SH3KBP1: variants seen among roughly 807,000 people sequenced by gnomAD.
The protein encoded by SH3KBP1 is SH3 domain containing kinase binding protein 1.
Under a neutral mutation model 50.1 loss-of-function variants are expected in SH3KBP1, and 8 were observed. The observed-to-expected ratio is 0.16, with a 90% CI of 0.09 to 0.29. The LOEUF is 0.29. SH3KBP1 is among the 10% of genes least tolerant of loss of function. SH3KBP1 has a pLI of 1.00. For synonymous variants in SH3KBP1, 227 were observed against 218.6 expected (o/e 1.04, Z -0.34); for missense variants, 377 against 535.2 (o/e 0.70, Z 2.92).
At chrX:19,804,885 C>G (rs1476912774) in intron 2 of SH3KBP1, among the ~76,000 whole-genome samples, 1 of 64,722 alleles carries the variant, frequency 1.5e-5, no homozygotes, top group East Asian at 5.7e-4. Context: ...AAACCCTACC[C>G]CCCCCCCCCC....
At chrX:19,597,033 C>G (rs2066925192) in intron 9 of SH3KBP1, among the ~76,000 whole-genome samples, 1 of 111,486 alleles carries the variant, frequency 9.0e-6, no homozygotes, top group African/African-American at 3.3e-5. Context: ...AATGGTGAGC[C>G]CTTTCCAGAA....
chrX:19,819,285 C>G (rs1341269070), intron 2 of SH3KBP1, among the ~76,000 whole-genome samples: 2 of 111,422 alleles, frequency 1.8e-5, no homozygotes, highest in African/African-American at 6.5e-5. Flanking sequence ...TAATTTGTGT[C>G]TTTTTCATCT....
At chrX:19,760,041 C>CCTCTCCCTCTCTCTCTCTCTCTCTCT (rs1556346157) in intron 2 of SH3KBP1, among the ~76,000 whole-genome samples, 1 of 50,453 alleles carries the variant, frequency 2.0e-5, no homozygotes, top group East Asian at 5.3e-4. Context: ...TCTCTCTCTC[C>CCTCTCCCTCTCTCTCTCTCTCTCTCT]CTCTCTCTCT....
chrX:19,646,843 G>A (rs2062002894), intron 6 of SH3KBP1, among the ~76,000 whole-genome samples: 1 of 111,227 alleles, frequency 9.0e-6, no homozygotes. Context: ...AGTGCCGCAG[G>A]GCCTTCTGTA....
In SH3KBP1 at chrX:19,836,248, C is replaced by T. The variant is rs1364297998; in HGVS notation, c.39G>A (p.Gln13=). ...CGCTGATCGTCAGCTCATCATCGTG[C>T]TGGGCCTGGTAGTCAAACTCCACTA... ...EAIVEFDYQA[Q]HDDELTISVG... is the part of the protein sequence containing the mutation. Residue 13 remains glutamine (Q), a synonymous_variant, in exon 2 of 18, where the codon CAG becomes CAA. Coordinates refer to ENST00000397821, the MANE Select transcript of SH3KBP1 (RefSeq NM_031892.3). The T allele has an allele frequency of 2.5e-6, 3 of 1,208,618 alleles. No homozygotes were observed. The highest frequency in any genetic ancestry group is 3.4e-6 in the Non-Finnish European group (3 of 894,418).
intron 2 of SH3KBP1, among the ~76,000 whole-genome samples, chrX:19,769,666 T>C (rs1227737645): frequency 9.0e-6 from 1 of 111,306 alleles, no homozygotes; most frequent in African/African-American, 3.3e-5. Flanking sequence ...GTTTGAGTAC[T>C]GGAGCAGTAA....
At chrX:19,612,636 TA>T (rs1421739655) in intron 8 of SH3KBP1, among the ~76,000 whole-genome samples, 3 of 110,212 alleles carry the variant, frequency 2.7e-5, no homozygotes, top group East Asian at 2.8e-4. Context: ...CTGGGAATTT[TA>T]AAAAAAAATG....
chrX:19,683,350 A>T (rs1304102700), intron 6 of SH3KBP1: 1 of 370,375 alleles, frequency 2.7e-6, no homozygotes, highest in Non-Finnish European at 5.3e-6. Flanking sequence ...TCCTTTCAAC[A>T]GTCTGAAATT....
At chrX:19,873,307 TATATAC>T (rs1569493077) in intron 1 of SH3KBP1, among the ~76,000 whole-genome samples, 143 of 97,601 alleles carry the variant, frequency 1.5e-3, no homozygotes, top group African/African-American at 5.6e-3. Context: ...TATATATATA[TATATAC>T]ATATACATAT....
chrX:19,671,815 T>C (rs749045098), intron 6 of SH3KBP1, among the ~76,000 whole-genome samples: 1 of 112,233 alleles, frequency 8.9e-6, no homozygotes, highest in Non-Finnish European at 1.9e-5. Flanking sequence ...ACAGTAAATA[T>C]CATATTAGCC....
chrX:19,782,793 G>C (rs985009577), intron 2 of SH3KBP1, among the ~76,000 whole-genome samples: 1 of 111,542 alleles, frequency 9.0e-6, no homozygotes, highest in Non-Finnish European at 1.9e-5. Context: ...CCCCAAAACA[G>C]TTGCTGATGC....
At chrX:19,796,440 T>G (rs185027104) in intron 2 of SH3KBP1, among the ~76,000 whole-genome samples, 212 of 112,070 alleles carry the variant, frequency 1.9e-3, no homozygotes, top group African/African-American at 6.6e-3. Context: ...CTACCCCCAC[T>G]GCCATTTAGG....
At chrX:19,621,012 GT>G (rs57010197) in intron 8 of SH3KBP1, among the ~76,000 whole-genome samples, 70 of 68,692 alleles carry the variant, frequency 1.0e-3, no homozygotes, top group Middle Eastern at 9.3e-3. Context: ...GTTCAGGTTG[GT>G]TTTTTTTTTT....
intron 3 of SH3KBP1, among the ~76,000 whole-genome samples, chrX:19,727,544 T>C (rs1359848531): frequency 8.9e-6 from 1 of 112,895 alleles, no homozygotes; most frequent in Non-Finnish European, 1.9e-5. Flanking sequence ...TCATCCTCAA[T>C]GAACACTTGG....
At chrX:19,774,566 G>A (rs768330340) in intron 2 of SH3KBP1, among the ~76,000 whole-genome samples, 2 of 107,983 alleles carry the variant, frequency 1.9e-5, no homozygotes, top group African/African-American at 6.8e-5. Flanking sequence ...AGCTACTCAG[G>A]AGGCTGAGGC....
At chrX:19,649,870 C>T (rs2062082443) in intron 6 of SH3KBP1, among the ~76,000 whole-genome samples, 1 of 112,299 alleles carries the variant, frequency 8.9e-6, no homozygotes. Context: ...TCCCAAATGA[C>T]TAATGTATTT....
intron 16 of SH3KBP1, 77 bp from the exon 17 acceptor site, chrX:19,537,857 C>G: frequency 1.2e-6 from 1 of 809,706 alleles, no homozygotes; most frequent in Non-Finnish European, 1.9e-6. Context: ...CTTATTATGA[C>G]TACAAAATCC....
intron 6 of SH3KBP1, chrX:19,648,007 C>T (rs757008402): frequency 5.4e-6 from 2 of 371,817 alleles, no homozygotes; most frequent in Admixed American, 2.6e-5. Flanking sequence ...ACTTCAGGGG[C>T]CTATTCTCAT....
intron 1 of SH3KBP1, among the ~76,000 whole-genome samples, chrX:19,856,949 G>GTGTTTT (rs1275149618): frequency 1.3e-4 from 5 of 37,966 alleles, no homozygotes; most frequent in Non-Finnish European, 2.4e-4. Flanking sequence ...GCTAATACTA[G>GTGTTTT]TCTTTTTTTT....
Sources: allele counts gnomAD v4.1 joint callset (sites outside exome capture counted in the v4.1 genomes callset), GRCh38; gene constraint gnomAD v4.1.1; transcripts MANE v1.5; gene names NCBI Gene and HGNC (gene_info 2026-07-23, HGNC 2026-07-21).